Variants in MYO3A observed in about 807,000 individuals in gnomAD.
MYO3A encodes myosin IIIA, also known as myosin-IIIa.
A neutral mutation model predicts 192.7 loss-of-function variants in MYO3A; 180 were observed. The observed-to-expected ratio is 0.93, with a 90% confidence interval of 0.83 to 1.06. The LOEUF is 1.06. Ranked by LOEUF, MYO3A falls within the 50% of genes least tolerant of loss-of-function variation. The pLI, the probability that MYO3A is intolerant of heterozygous loss-of-function variation, is 0.00. For missense variants in MYO3A, 1,896 were observed against 1,905.0 expected (o/e 1.00, Z 0.09); for synonymous variants, 628 against 645.3 (o/e 0.97, Z 0.41).
intron 17 of MYO3A, among the ~76,000 whole-genome samples, chr10:26,114,432 A>T (rs189322302): frequency 1.2e-3 from 176 of 152,252 alleles, no homozygotes; most frequent in African/African-American, 3.6e-3. Context: ...GAAATCATAT[A>T]TTTCCCAACC....
At chr10:26,117,554 T>C (rs1245328318) in intron 17 of MYO3A, among the ~76,000 whole-genome samples, 1 of 152,190 alleles carries the variant, frequency 6.6e-6, no homozygotes, top group African/African-American at 2.4e-5. Flanking sequence ...CCCTGTGTTC[T>C]CATCATTCAG....
chr10:26,121,512 G>T (rs866795692), intron 18 of MYO3A, among the ~76,000 whole-genome samples: 18 of 152,268 alleles, frequency 1.2e-4, no homozygotes, highest in Middle Eastern at 3.4e-3. Flanking sequence ...TACTTTGGGA[G>T]GCCGAAGCTG....
At chr10:26,025,147 C>A (rs1466774428) in intron 9 of MYO3A, among the ~76,000 whole-genome samples, 2 of 152,126 alleles carry the variant, frequency 1.3e-5, no homozygotes, top group Non-Finnish European at 2.9e-5. Context: ...TAATGGAAAA[C>A]TAAGAGCACT....
intron 34 of MYO3A, among the ~76,000 whole-genome samples, chr10:26,207,108 T>G (rs910979546): frequency 9.2e-5 from 14 of 152,030 alleles, no homozygotes; most frequent in African/African-American, 2.9e-4. Flanking sequence ...CTTATATATT[T>G]TGGATATTAA....
intron 31 of MYO3A, among the ~76,000 whole-genome samples, chr10:26,181,599 C>G (rs1842620068): frequency 6.6e-6 from 1 of 151,680 alleles, no homozygotes; most frequent in Non-Finnish European, 1.5e-5. Flanking sequence ...TATATATGAC[C>G]ACTCTAGGAG....
At chr10:26,170,722 A>T (rs1842008237) in intron 29 of MYO3A, among the ~76,000 whole-genome samples, 183 bp downstream of exon 29, 2 of 152,208 alleles carry the variant, frequency 1.3e-5, no homozygotes, top group South Asian at 4.1e-4. Flanking sequence ...TATTTCTCAA[A>T]TGTTTTCTTC....
chr10:26,005,856 A>C (rs1263338903), intron 6 of MYO3A, among the ~76,000 whole-genome samples: 1 of 152,066 alleles, frequency 6.6e-6, no homozygotes, highest in Non-Finnish European at 1.5e-5. Flanking sequence ...TAAAACATTA[A>C]TATATTACTC....
At chr10:26,042,575 T>C (rs2131230169) in intron 10 of MYO3A, among the ~76,000 whole-genome samples, 1 of 152,326 alleles carries the variant, frequency 6.6e-6, no homozygotes, top group Admixed American at 6.5e-5. Flanking sequence ...TTCTTCTGCT[T>C]AGTCAAATCT....
At chr10:25,992,461 G>A (rs568993465) in intron 4 of MYO3A, among the ~76,000 whole-genome samples, 1 of 152,318 alleles carries the variant, frequency 6.6e-6, no homozygotes, top group South Asian at 2.1e-4. Flanking sequence ...TGCAAACAGG[G>A]ACAATTTGAC....
At chr10:25,978,727 T>A (rs7895308) in intron 4 of MYO3A, among the ~76,000 whole-genome samples, 14,510 of 152,226 alleles carry the variant, frequency 0.095, 1,227 homozygotes, top group African/African-American at 0.22. Flanking sequence ...ACTATCTTAG[T>A]TGAATTGCTC....
Position 26,168,732 on chromosome 10 carries a change from C to G in MYO3A, c.3132C>G (p.His1044Gln). ...GKTKVFLKYYHVEQLNLMRKE... is the reference protein window; with the variant it reads ...GKTKVFLKYYQVEQLNLMRKE... ...TTCAGGTGTTCCTTAAGTATTATCA[C>G]GTGGAGCAGTTAAATCTAATGCGAA... Residue 1044 changes from histidine to glutamine, a missense_variant, in exon 28 of 35, where the codon CAC (histidine) becomes CAG (glutamine). Transcript: ENST00000642920. 2 of 1,612,916 alleles carry G rather than the reference C, an allele frequency of 1.2e-6. No individual in the cohort carries two copies. Among genetic ancestry groups the G allele is most frequent in the South Asian group, 2.2e-5 (2 of 91,036 alleles).
chr10:26,151,899 T>A (rs1840810244), intron 23 of MYO3A, among the ~76,000 whole-genome samples: 1 of 152,222 alleles, frequency 6.6e-6, no homozygotes, highest in South Asian at 2.1e-4. Flanking sequence ...ATGAAACCTG[T>A]TTTTCATTTT....
At chr10:25,938,403 G>A (rs1397825582) in intron 2 of MYO3A, among the ~76,000 whole-genome samples, 3 of 152,192 alleles carry the variant, frequency 2.0e-5, no homozygotes, top group Non-Finnish European at 4.4e-5. Context: ...TCAGGGTCTG[G>A]AGAACTTGGT....
At chr10:26,060,024 A>G (rs71492525) in intron 10 of MYO3A, among the ~76,000 whole-genome samples, 69,784 of 149,682 alleles carry the variant, frequency 0.47, 17,819 homozygotes, top group Middle Eastern at 0.59. Context: ...TTGGGAGGCC[A>G]AGGCGGGCGG....
chr10:26,105,417 A>G (rs1837736264), intron 17 of MYO3A, among the ~76,000 whole-genome samples: 1 of 152,106 alleles, frequency 6.6e-6, no homozygotes, highest in Non-Finnish European at 1.5e-5. Context: ...GGTGAAAGTA[A>G]CATGTTGTTT....
At chr10:26,200,663 G>T (rs1843638589) in intron 32 of MYO3A, among the ~76,000 whole-genome samples, 1 of 152,150 alleles carries the variant, frequency 6.6e-6, no homozygotes, top group South Asian at 2.1e-4. Context: ...TTCCATATTT[G>T]CGTATCTTAA....
intron 14 of MYO3A, 126 bp from the exon 15 acceptor site, chr10:26,088,077 A>G (rs1165104086): frequency 1.3e-6 from 1 of 750,020 alleles, no homozygotes; most frequent in Non-Finnish European, 2.1e-6. Flanking sequence ...AACATCTGCC[A>G]ATATATCAGG....
intron 2 of MYO3A, among the ~76,000 whole-genome samples, chr10:25,946,198 T>C (rs7917289): frequency 0.013 from 1,958 of 152,318 alleles, 42 homozygotes; most frequent in African/African-American, 0.043. Flanking sequence ...TACATTTTCA[T>C]GAGACTTCAA....
At chr10:26,043,700 T>C (rs72793960) in intron 10 of MYO3A, among the ~76,000 whole-genome samples, 24,736 of 152,138 alleles carry the variant, frequency 0.16, 2,308 homozygotes, top group Non-Finnish European at 0.21. Flanking sequence ...GCCTGTGACT[T>C]AGCCTTCAGG....
Sources: gnomAD v4.1 joint callset for allele counts (sites outside exome capture counted in the v4.1 genomes callset) on GRCh38, gnomAD v4.1.1 for gene constraint, MANE v1.5 for transcripts, NCBI Gene and HGNC (gene_info 2026-07-23, HGNC 2026-07-21) for gene names.